The following SLC39A1 variants were observed in gnomAD, a reference collection of about 807,000 sequenced individuals.
SLC39A1 encodes solute carrier family 39 member 1.
Under a neutral mutation model 21.4 loss-of-function variants are expected in SLC39A1, and 17 were observed. The observed-to-expected ratio is 0.79, with a 90% CI of 0.54 to 1.19. SLC39A1 has a LOEUF of 1.19. SLC39A1 is among the 50% of genes most tolerant of loss of function. The pLI, the probability that SLC39A1 is intolerant of heterozygous loss-of-function variation, is 0.00. For missense variants in SLC39A1, 343 were observed against 399.8 expected (o/e 0.86, Z 1.21); for synonymous variants, 183 against 185.9 (o/e 0.98, Z 0.13).
At position 153,959,247 on chromosome 1, in the gene SLC39A1, T is replaced by G. The variant is rs1557875029; in HGVS notation, c.*851A>C. ...GGGGGTAGGCATTGCCCTTCCCCCT[T>G]GGGCTCCTCGGGTGTATTTAAAAAA... On this transcript the variant is annotated 3_prime_UTR_variant, in exon 4 of 4. Coordinates refer to ENST00000356205, the MANE Select transcript of SLC39A1 (RefSeq NM_001271958.2). 1.0e-5 allele frequency: 4 copies of G among 398,922 alleles called. No homozygotes were observed. Among genetic ancestry groups the G allele is most frequent in the Admixed American group, 8.8e-5 (2 of 22,708 alleles). 24.7% of individuals were successfully genotyped at this position (398,922 alleles called of 1,614,324 possible).
chr1:153,962,249 C>T lies in SLC39A1; in HGVS notation c.289G>A (p.Asp97Asn). 6.2e-7 allele frequency: 1 copy of T among 1,614,132 alleles called. No individual in the cohort carries two copies. The highest frequency in any genetic ancestry group is 8.5e-7 in the Non-Finnish European group (1 of 1,180,014). ...ACGTGCAAGGCTGCCAGGGCCTCAT[C>T]TATGGCAGCCAGGTAGTCAGGCAGC... ...DLLPDYLAAI[D>N]EALAALHVTL... is the part of the protein sequence containing the mutation. Residue 97 changes from aspartate to asparagine, a missense_variant, in exon 3 of 4, where the codon GAT becomes AAT. Transcript: ENST00000356205.
rs200227946 is a variant in SLC39A1 at position 153,962,188 on chromosome 1, C to T, written c.318+32G>A. On this transcript the variant is annotated intron_variant, in intron 3 of 3. Transcript: ENST00000356205. Reference sequence around the variant, plus strand: ...ACTCCCAGAGGTGTGTGATTCCCCTCCCGCAAGTCACATGCCCAGGCCAGT... The same window carrying T: ...ACTCCCAGAGGTGTGTGATTCCCCTTCCGCAAGTCACATGCCCAGGCCAGT... The T allele has an allele frequency of 9.7e-5, 156 of 1,606,528 alleles. 2 individuals are homozygous for T. In the East Asian group the frequency reaches 2.7e-3, roughly 28 times the overall value.
intron 1 of SLC39A1, 170 bp downstream of exon 1, chr1:153,963,325 G>C (rs1306974537): frequency 2.0e-5 from 3 of 152,322 alleles, no homozygotes; most frequent in South Asian, 2.1e-4. Flanking sequence ...GACGGACTGA[G>C]GCGACACTGA....
At chr1:153,967,900 C>G (rs1198546514), upstream of SLC39A1, 1 of 152,270 alleles carries the variant, frequency 6.6e-6, no homozygotes, top group South Asian at 2.1e-4. Flanking sequence ...TTGACTCTTT[C>G]CGCCTTTGTT....
chr1:153,966,758 T>C (rs1168042799), upstream of SLC39A1: 1 of 152,192 alleles, frequency 6.6e-6, no homozygotes, highest in African/African-American at 2.4e-5. Context: ...TAGTAGCAGT[T>C]TGAGTTCTGG....
At chr1:153,967,172 T>C (rs1203423694), upstream of SLC39A1, among the ~76,000 whole-genome samples, 1 of 152,240 alleles carries the variant, frequency 6.6e-6, no homozygotes, top group African/African-American at 2.4e-5. Flanking sequence ...CTGCCCCGTG[T>C]CCCTCCGTGA....
At chr1:153,964,473 T>C (rs1457599691), upstream of SLC39A1, 10 of 152,076 alleles carry the variant, frequency 6.6e-5, no homozygotes. Context: ...GCTCAGCTGT[T>C]CTTTTATGCA....
Position 153,960,342 on chromosome 1 carries a change from A to T in SLC39A1, c.731T>A (p.Ile244Asn). 1 of 1,614,006 alleles carries T rather than the reference A, an allele frequency of 6.2e-7. No individual in the cohort carries two copies. Among genetic ancestry groups the T allele is most frequent in the Non-Finnish European group, 8.5e-7 (1 of 1,180,044 alleles). ...TAGAGGTGTCATGCATGAGAAGAGGATCCCACAGCCAGCCACCACCTGTGC... is the reference window on the plus strand; with the variant it reads ...TAGAGGTGTCATGCATGAGAAGAGGTTCCCACAGCCAGCCACCACCTGTGC... ...LRAQVVAGCG[I>N]LFSCMTPLGI... The change falls in exon 4 of 4, where the codon ATC (isoleucine) becomes AAC (asparagine). Residue 244 changes from isoleucine to asparagine, a missense_variant. Physicochemically the swap from Ile to Asn is moderately radical, Grantham distance 149. Transcript: ENST00000356205.
intron 3 of SLC39A1, among the ~76,000 whole-genome samples, chr1:153,961,238 T>C (rs1410761004): frequency 6.6e-6 from 1 of 152,200 alleles, no homozygotes; most frequent in East Asian, 1.9e-4. Context: ...ATTGTGCCAC[T>C]GCACTCCAGC....
upstream of SLC39A1, among the ~76,000 whole-genome samples, chr1:153,965,402 G>A (rs1396636194): frequency 6.6e-6 from 1 of 152,018 alleles, no homozygotes; most frequent in Non-Finnish European, 1.5e-5. Flanking sequence ...ACTCCAGCCT[G>A]GACGACACAG....
rs570195454 is a variant in SLC39A1, at chr1:153,962,313, G to C, written c.225C>G (p.Phe75Leu). 1.9e-6 allele frequency: 3 copies of C among 1,614,132 alleles called. No homozygotes were observed. The highest frequency in any genetic ancestry group is 1.1e-5 in the South Asian group (1 of 91,082). ...AAGTGGCCAAAAAGACGCCCCCCGC[G>C]AAACAGCTTACTAGGCTCAGGGCTT... Reference protein sequence around the residue: ...RQKALSLVSCFAGGVFLATCL... With the variant: ...RQKALSLVSCLAGGVFLATCL... The change falls in exon 3 of 4, where the codon TTC (phenylalanine) becomes TTG (leucine). Residue 75 changes from phenylalanine to leucine, a missense_variant. Transcript: ENST00000356205.
intron 3 of SLC39A1, among the ~76,000 whole-genome samples, chr1:153,961,907 T>C (rs950001941): frequency 6.6e-6 from 1 of 151,940 alleles, no homozygotes; most frequent in African/African-American, 2.4e-5. Flanking sequence ...TTTAGGAAAG[T>C]GGTGAGAGAG....
intron 3 of SLC39A1, among the ~76,000 whole-genome samples, chr1:153,961,710 T>A (rs1024205894): frequency 1.3e-5 from 2 of 152,226 alleles, no homozygotes; most frequent in Non-Finnish European, 2.9e-5. Flanking sequence ...GAGCCCAGGA[T>A]GACTTTCCTG....
At chr1:153,963,846 G>T (rs906245146), upstream of SLC39A1, 2 of 152,274 alleles carry the variant, frequency 1.3e-5, no homozygotes, top group African/African-American at 4.8e-5. Context: ...TTTAAAAGAG[G>T]GAGACCCCGC....
Position 153,960,548 on chromosome 1 carries a change from G to C in SLC39A1, c.525C>G (p.Pro175=). 8 of 1,613,996 alleles carry C rather than the reference G, an allele frequency of 5.0e-6. No individual in the cohort carries two copies. Among genetic ancestry groups the C allele is most frequent in the Non-Finnish European group, 6.8e-6 (8 of 1,180,038 alleles). The change falls in exon 4 of 4, where the codon CCC becomes CCG. Residue 175 remains proline (P), a synonymous_variant. Transcript: ENST00000356205. ...CCAGTACACAGGCACGCAAGGCTGA[G>C]GGGGTTGCTGGGGCTCCACTCGCCT... The part of the protein sequence containing the change: ...VPQASGAPAT[P]SALRACVLVF...
upstream of SLC39A1, chr1:153,963,645 G>A (rs1327781421): frequency 6.5e-6 from 1 of 152,672 alleles, no homozygotes; most frequent in Non-Finnish European, 1.5e-5. Flanking sequence ...GACAGACCGG[G>A]AGTGACGTCA....
rs762732184 is a variant in SLC39A1 at position 153,960,500 on chromosome 1, G to A, written c.573C>T (p.Ser191=). 1.5e-5 allele frequency: 25 copies of A among 1,613,168 alleles called. No individual in the cohort carries two copies. The highest frequency in any genetic ancestry group is 1.1e-4 in the South Asian group (10 of 91,072). ...GCCCTACCGCCAGCCCCTCGAACAC[G>A]GAGTGGAGGGCCAGGGAGAACACCA... ...CVLVFSLALH[S]VFEGLAVGLQ... The change falls in exon 4 of 4, where the codon TCC becomes TCT. Residue 191 remains serine (S), a synonymous_variant. Transcript: ENST00000356205.
Position 153,959,570 on chromosome 1 carries a change from C to A in SLC39A1, c.*528G>T, listed in dbSNP as rs1386914918. ...AGGACTGGAGAGGCCAGAGAAGATA[C>A]CAAAATTGGCAGGGAGAGACCATTT... is the stretch of plus-strand genomic sequence containing the variant. On this transcript the variant is annotated 3_prime_UTR_variant, in exon 4 of 4. Coordinates refer to ENST00000356205, the MANE Select transcript of SLC39A1 (RefSeq NM_001271958.2). The A allele has an allele frequency of 5.0e-5, 16 of 320,694 alleles. No homozygotes were observed. In the East Asian group the frequency reaches 7.6e-4, roughly 15 times the overall value. 19.9% of individuals were successfully genotyped at this position (320,694 alleles called of 1,614,324 possible). A position where few individuals can be genotyped will look rare whatever the true frequency, so the allele number is the denominator to read the frequency against.
In SLC39A1 at chr1:153,960,396, G is replaced by T; in HGVS notation, c.677C>A (p.Ser226Tyr). Residue 226 changes from serine to tyrosine, a missense_variant, in exon 4 of 4, where the codon TCC becomes TAC. By Grantham distance (144) the Ser-to-Tyr change is moderately radical (BLOSUM62 -2). Transcript: ENST00000356205. The part of the protein sequence containing the change: ...LHKGILAVSL[S>Y]LRLLQSHLRA... ...AAGGTGGCTCTGCAACAGCCGCAGG[G>T]ACAGGCTGACAGCCAGGATGCCCTT... 6.2e-7 allele frequency: 1 copy of T among 1,614,042 alleles called. No homozygotes were observed. Among genetic ancestry groups the T allele is most frequent in the South Asian group, 1.1e-5 (1 of 91,088 alleles).
Sources: gnomAD v4.1 joint callset for allele counts (sites outside exome capture counted in the v4.1 genomes callset) on GRCh38, gnomAD v4.1.1 for gene constraint, MANE v1.5 for transcripts, NCBI Gene and HGNC (gene_info 2026-07-23, HGNC 2026-07-21) for gene names.